Variants in LRPPRC observed in about 807,000 individuals in gnomAD.
LRPPRC encodes leucine rich pentatricopeptide repeat containing.
A neutral mutation model predicts 180.3 loss-of-function variants in LRPPRC; 120 were observed. The observed-to-expected ratio is 0.67, with a 90% CI of 0.57 to 0.77. The LOEUF is 0.77. Ranked by LOEUF, LRPPRC falls within the 30% of genes least tolerant of loss-of-function variation. The probability of loss-of-function intolerance (pLI) is 0.00; values close to 1 mark genes in which losing one functional copy is unlikely to be tolerated. For synonymous variants in LRPPRC, 723 were observed against 600.0 expected (o/e 1.21, Z -3.00); for missense variants, 2,012 against 1,657.2 (o/e 1.21, Z -3.72).
At chr2:43,937,793 T>A (rs78335856) in intron 23 of LRPPRC, among the ~76,000 whole-genome samples, 19 of 152,188 alleles carry the variant, frequency 1.2e-4, no homozygotes, top group Non-Finnish European at 2.1e-4. Context: ...CAGGTGAAAA[T>A]ACCACTTTTA....
chr2:43,954,535 C>G (rs933639159), intron 14 of LRPPRC, among the ~76,000 whole-genome samples: 2 of 152,164 alleles, frequency 1.3e-5, no homozygotes, highest in Non-Finnish European at 2.9e-5. Context: ...TGAGCTAATA[C>G]AACTTTTTCT....
At chr2:43,900,938 TA>T (rs1670860364) in intron 32 of LRPPRC, among the ~76,000 whole-genome samples, 1 of 152,172 alleles carries the variant, frequency 6.6e-6, no homozygotes, top group Admixed American at 6.5e-5. Context: ...ACATTTTTAA[TA>T]AGCTTGCGGG....
At chr2:43,929,987 C>G (rs1672027413) in intron 25 of LRPPRC, among the ~76,000 whole-genome samples, 1 of 151,618 alleles carries the variant, frequency 6.6e-6, no homozygotes, top group Non-Finnish European at 1.5e-5. Flanking sequence ...CAAACAAACC[C>G]TAGCTCTAAA....
At position 43,899,225 on chromosome 2, in the gene LRPPRC, G is replaced by T; in HGVS notation, c.3819C>A (p.Leu1273=). ...ATGAGTGGAGGGTCATTACCTGTAGGAGAGCTCTGGCATCATCCACCTTGC... is the reference window on the plus strand; with the variant it reads ...ATGAGTGGAGGGTCATTACCTGTAGTAGAGCTCTGGCATCATCCACCTTGC... ...DAGKVDDARA[L]LQRCGAIAEQ... Residue 1273 remains leucine, a synonymous_variant, in exon 34 of 38, where the codon CTC becomes CTA. Coordinates refer to ENST00000260665, the MANE Select transcript of LRPPRC (RefSeq NM_133259.4). The T allele has an allele frequency of 6.2e-7, 1 of 1,612,382 alleles. No homozygotes were observed.
At chr2:43,991,152 C>A (rs1252799777) in intron 1 of LRPPRC, among the ~76,000 whole-genome samples, 1 of 151,896 alleles carries the variant, frequency 6.6e-6, no homozygotes, top group Non-Finnish European at 1.5e-5. Flanking sequence ...ACCTCAGCCT[C>A]CCGAGTAGCT....
At chr2:43,889,005 C>G (rs531526908) in intron 37 of LRPPRC, among the ~76,000 whole-genome samples, 2 of 152,248 alleles carry the variant, frequency 1.3e-5, no homozygotes, top group East Asian at 3.9e-4. Context: ...AGGAATTGTG[C>G]ATATGTGATT....
At chr2:43,949,930 T>C (rs545773808) in intron 15 of LRPPRC, among the ~76,000 whole-genome samples, 6 of 152,344 alleles carry the variant, frequency 3.9e-5, no homozygotes, top group African/African-American at 1.4e-4. Context: ...GATTTATAAA[T>C]TGATATATAA....
chr2:43,969,467 C>T (rs1034691181), intron 11 of LRPPRC, among the ~76,000 whole-genome samples: 50 of 151,114 alleles, frequency 3.3e-4, no homozygotes, highest in African/African-American at 1.2e-3. Context: ...TGTTACACTA[C>T]AAAAAATGCT....
chr2:43,966,527 C>G (rs62135110), intron 11 of LRPPRC, among the ~76,000 whole-genome samples: 30,828 of 151,504 alleles, frequency 0.2, 3,871 homozygotes, highest in African/African-American at 0.34. Context: ...TCTTCTGCCT[C>G]AGGCTCCTGA....
chr2:43,991,784 T>C (rs1674793311), intron 1 of LRPPRC, among the ~76,000 whole-genome samples: 1 of 152,234 alleles, frequency 6.6e-6, no homozygotes, highest in Non-Finnish European at 1.5e-5. Flanking sequence ...AGATTACTAA[T>C]GTCTAATAAT....
intron 31 of LRPPRC, chr2:43,902,811 G>C (rs542843221): frequency 3.9e-4 from 59 of 152,182 alleles, no homozygotes; most frequent in African/African-American, 1.4e-3. Context: ...TTGTCAGCTA[G>C]GGAGGCTCTT....
At chr2:43,915,198 ACTCTCTCTCT>A (rs142492838) in intron 29 of LRPPRC, among the ~76,000 whole-genome samples, 125 of 63,440 alleles carry the variant, frequency 2.0e-3, no homozygotes, top group Non-Finnish European at 3.1e-3. Flanking sequence ...ACAGAACAAG[ACTCTCTCTCT>A]CTCTCTCTCT....
intron 32 of LRPPRC, 88 bp downstream of exon 32, chr2:43,901,232 A>G (rs1285180189): frequency 5.6e-6 from 5 of 885,548 alleles, no homozygotes; most frequent in Non-Finnish European, 9.4e-6. Flanking sequence ...AGGTTTCCAC[A>G]TGTCTAAAAA....
chr2:43,890,129 T>C (rs1442494214), intron 36 of LRPPRC: 7 of 524,952 alleles, frequency 1.3e-5, no homozygotes, highest in Non-Finnish European at 2.1e-5. Flanking sequence ...TAGAATAATA[T>C]TGATACCATT....
chr2:43,913,761 C>T (rs1030654225), intron 29 of LRPPRC, among the ~76,000 whole-genome samples: 2 of 152,158 alleles, frequency 1.3e-5, no homozygotes, highest in African/African-American at 4.8e-5. Context: ...AAGTGCTTTA[C>T]ACTAGATTTC....
chr2:43,969,536 A>G (rs1276618041), intron 11 of LRPPRC, among the ~76,000 whole-genome samples: 1 of 152,042 alleles, frequency 6.6e-6, no homozygotes, highest in Non-Finnish European at 1.5e-5. Context: ...TTGTTCTGCC[A>G]CCAAAAAGGA....
chr2:43,933,424 AC>A (rs1443616047), intron 25 of LRPPRC, among the ~76,000 whole-genome samples: 1 of 152,188 alleles, frequency 6.6e-6, no homozygotes, highest in Non-Finnish European at 1.5e-5. Flanking sequence ...ATCTGAGAAA[AC>A]CCATGATTAC....
At chr2:43,925,792 T>A (rs555616437) in intron 26 of LRPPRC, 101 bp downstream of exon 26, 1 of 798,138 alleles carries the variant, frequency 1.3e-6, no homozygotes, top group Middle Eastern at 2.2e-4. Context: ...GCTTCCACAA[T>A]GCCCTGTCTC....
intron 22 of LRPPRC, among the ~76,000 whole-genome samples, chr2:43,944,233 T>C (rs1672597262): frequency 6.6e-6 from 1 of 152,066 alleles, no homozygotes; most frequent in Non-Finnish European, 1.5e-5. Flanking sequence ...ACACCATTGT[T>C]TCTTCAGCAG....
Sources: allele counts gnomAD v4.1 joint callset (sites outside exome capture counted in the v4.1 genomes callset), GRCh38; gene constraint gnomAD v4.1.1; transcripts MANE v1.5; gene names NCBI Gene and HGNC (gene_info 2026-07-23, HGNC 2026-07-21).